CTNND2: variants seen among roughly 807,000 people sequenced by gnomAD.
CTNND2 encodes the protein catenin delta 2.
Under a neutral mutation model 144.4 loss-of-function variants are expected in CTNND2, and 22 were observed. The observed-to-expected ratio is 0.15, with a 90% CI of 0.11 to 0.22. The LOEUF is 0.22. CTNND2 is among the 10% of genes least tolerant of loss of function. CTNND2 has a pLI of 1.00. For synonymous variants in CTNND2, 751 were observed against 695.6 expected, an observed-to-expected ratio of 1.08 and a Z score of -1.25; for missense variants, 1,353 against 1,618.8, an observed-to-expected ratio of 0.84 and a Z score of 2.82.
chr5:11,334,311 C>T (rs896178928), intron 9 of CTNND2, among the ~76,000 whole-genome samples: 3 of 152,166 alleles, frequency 2.0e-5, no homozygotes, highest in African/African-American at 7.2e-5. Context: ...CACTGTAACC[C>T]ATAAATATAT....
rs113809055 is a variant in CTNND2 at position 11,318,034 on chromosome 5, G to T, written c.1628+28338C>A. On this transcript the variant is annotated intron_variant, in intron 9 of 21. Coordinates refer to ENST00000304623, the MANE Select transcript of CTNND2 (RefSeq NM_001332.4). ...TCCTTGCCCTCCTGCCAATGAGCAT[G>T]TGTGGCATGCTCAGAGGTGCTCAGG... Among the ~76,000 whole-genome samples the T allele has an allele frequency of 6.3e-3, 965 of 152,312 alleles. 1 individual carries two copies. Among genetic ancestry groups the T allele is most frequent in the Middle Eastern group, 0.014 (4 of 294 alleles).
rs553680373 is a variant in CTNND2, at chr5:10,999,449, G to C, written c.3085-6772C>G. The stretch of plus-strand genomic sequence containing the variant: ...AGCTCTTCTTTGCACCACCTGTACA[G>C]CTCATAGGGGTTAGATAAGAAAGCC... On this transcript the variant is annotated intron_variant, in intron 18 of 21. Transcript: ENST00000304623. Among the ~76,000 whole-genome samples the C allele has an allele frequency of 3.3e-5, 5 of 152,132 alleles. No individual in the cohort carries two copies. In the South Asian group the frequency reaches 1.0e-3, roughly 32 times the overall value.
chr5:11,620,272 C>A (rs1780768602), intron 2 of CTNND2, among the ~76,000 whole-genome samples: 2 of 152,068 alleles, frequency 1.3e-5, no homozygotes, highest in Admixed American at 1.3e-4. Context: ...AATGACCAGC[C>A]CAACAGCCTA....
chr5:11,165,759 T>A (rs541624082), intron 11 of CTNND2, among the ~76,000 whole-genome samples: 5 of 152,362 alleles, frequency 3.3e-5, no homozygotes, highest in East Asian at 3.9e-4. Flanking sequence ...TGAGCAATGA[T>A]TGGTTTAATA....
intron 2 of CTNND2, among the ~76,000 whole-genome samples, chr5:11,628,304 C>T (rs986882807): frequency 1.3e-5 from 2 of 152,146 alleles, no homozygotes; most frequent in African/African-American, 2.4e-5. Flanking sequence ...TATAAGACCA[C>T]AAAATAATGG....
intron 15 of CTNND2, among the ~76,000 whole-genome samples, chr5:11,097,227 C>T (rs1751440224): frequency 6.6e-6 from 1 of 152,170 alleles, no homozygotes; most frequent in Non-Finnish European, 1.5e-5. Flanking sequence ...TTTAGAGAGA[C>T]ATAAGATGTA....
chr5:11,468,563 A>G (rs1766880853), intron 3 of CTNND2, among the ~76,000 whole-genome samples: 1 of 152,190 alleles, frequency 6.6e-6, no homozygotes. Context: ...TATGTCTGTC[A>G]GGTCCTGAAA....
intron 12 of CTNND2, among the ~76,000 whole-genome samples, chr5:11,135,911 T>C (rs866393703): frequency 6.6e-6 from 1 of 152,176 alleles, no homozygotes; most frequent in African/African-American, 2.4e-5. Flanking sequence ...GGTGGAGATA[T>C]CCACTTCTAA....
chr5:11,015,425 C>T (rs952675596), intron 18 of CTNND2, among the ~76,000 whole-genome samples: 2 of 152,182 alleles, frequency 1.3e-5, no homozygotes, highest in African/African-American at 2.4e-5. Flanking sequence ...AAAACATCAC[C>T]ATTCATTTGT....
At chr5:11,598,799 G>A (rs1345532451) in intron 2 of CTNND2, among the ~76,000 whole-genome samples, 1 of 152,112 alleles carries the variant, frequency 6.6e-6, no homozygotes, top group Admixed American at 6.5e-5. Context: ...TAACAGCTGG[G>A]TCAGAAAACA....
intron 1 of CTNND2, among the ~76,000 whole-genome samples, chr5:11,734,994 A>G (rs1244418437): frequency 2.0e-5 from 3 of 152,196 alleles, no homozygotes; most frequent in African/African-American, 7.2e-5. Flanking sequence ...TAATATCACC[A>G]ATGGGGATTG....
intron 2 of CTNND2, among the ~76,000 whole-genome samples, chr5:11,623,936 T>G (rs1229031110): frequency 2.7e-5 from 4 of 145,708 alleles, no homozygotes; most frequent in Non-Finnish European, 4.5e-5. Context: ...ACAATAATAA[T>G]GAGAGATTTC....
chr5:11,280,714 T>C (rs1747026309), intron 9 of CTNND2, among the ~76,000 whole-genome samples: 1 of 152,168 alleles, frequency 6.6e-6, no homozygotes, highest in South Asian at 2.1e-4. Flanking sequence ...TTTACAGGCA[T>C]GTTTCTCTCT....
chr5:11,802,884 T>C (rs1278224857), intron 1 of CTNND2, among the ~76,000 whole-genome samples: 1 of 152,232 alleles, frequency 6.6e-6, no homozygotes, highest in Admixed American at 6.5e-5. Flanking sequence ...TCTTAAAAAC[T>C]TATAGCAGCC....
intron 3 of CTNND2, among the ~76,000 whole-genome samples, chr5:11,476,463 T>C: frequency 6.6e-6 from 1 of 152,012 alleles, no homozygotes; most frequent in East Asian, 1.9e-4. Flanking sequence ...CTTAGGAAAA[T>C]TTTCAGTGAT....
At chr5:11,824,683 T>C (rs142473566) in intron 1 of CTNND2, among the ~76,000 whole-genome samples, 30 of 152,324 alleles carry the variant, frequency 2.0e-4, no homozygotes, top group Non-Finnish European at 3.8e-4. Context: ...CCTAAGAGGA[T>C]AGGTTCTGTA....
At chr5:11,658,295 C>G (rs946054738) in intron 2 of CTNND2, among the ~76,000 whole-genome samples, 1 of 151,960 alleles carries the variant, frequency 6.6e-6, no homozygotes. Context: ...ACATAAACCT[C>G]GTCCAAGTAA....
chr5:11,381,149 A>G (rs1433909749), intron 7 of CTNND2, among the ~76,000 whole-genome samples: 1 of 152,126 alleles, frequency 6.6e-6, no homozygotes, highest in Non-Finnish European at 1.5e-5. Context: ...TATAATACCC[A>G]CTTCCATAAC....
At chr5:11,782,472 A>G (rs907208203) in intron 1 of CTNND2, among the ~76,000 whole-genome samples, 3 of 152,352 alleles carry the variant, frequency 2.0e-5, no homozygotes, top group South Asian at 2.1e-4. Context: ...TAAAGGTCTG[A>G]GAAAAGGACC....
Sources: allele counts gnomAD v4.1 joint callset (sites outside exome capture counted in the v4.1 genomes callset), GRCh38; gene constraint gnomAD v4.1.1; transcripts MANE v1.5; gene names NCBI Gene and HGNC (gene_info 2026-07-23, HGNC 2026-07-21).